SGCD: variants seen among roughly 807,000 people sequenced by gnomAD.
The protein encoded by SGCD is delta-sarcoglycan.
A neutral mutation model predicts 36.6 loss-of-function variants in SGCD; 18 were observed. The observed-to-expected ratio is 0.49, with a 90% CI of 0.34 to 0.73. The LOEUF (loss-of-function observed/expected upper bound fraction) is 0.73. Among genes scored for constraint, SGCD ranks in the 30% least tolerant of loss-of-function variants. SGCD has a pLI of 0.01. For synonymous variants in SGCD, 133 were observed against 130.6 expected (o/e 1.02, Z -0.12); for missense variants, 387 against 346.7 (o/e 1.12, Z -0.92).
intron 7 of SGCD, among the ~76,000 whole-genome samples, chr5:156,665,260 C>T (rs1187107982): frequency 3.3e-5 from 5 of 151,906 alleles, no homozygotes; most frequent in Admixed American, 2.6e-4. Flanking sequence ...CTCTGATGGC[C>T]CCATTAATTC....
At chr5:156,610,620 G>A (rs949809588) in intron 6 of SGCD, among the ~76,000 whole-genome samples, 16 of 152,220 alleles carry the variant, frequency 1.1e-4, no homozygotes, top group African/African-American at 3.9e-4. Context: ...CTTTTATTTG[G>A]CTATGCCCTG....
intron 1 of SGCD, among the ~76,000 whole-genome samples, chr5:155,894,685 T>G (rs1275907630): frequency 6.6e-6 from 1 of 152,134 alleles, no homozygotes; most frequent in Non-Finnish European, 1.5e-5. Context: ...GAACTGCATA[T>G]GTGAGGGATC....
Position 156,417,550 on chromosome 5 carries a change from C to A in SGCD, c.192+72873C>A, listed in dbSNP as rs567167045. ...CAGAAATTATTTTCTCATACTTCTG[C>A]AGTCTGGAAAGTCCCAAATCAAGGT... is the stretch of plus-strand genomic sequence containing the variant. On this transcript the variant is annotated intron_variant, in intron 3 of 8. Transcript: ENST00000337851. Among the ~76,000 whole-genome samples the A allele has an allele frequency of 2.4e-4, 37 of 152,210 alleles. No homozygotes were observed. In the South Asian group the frequency reaches 7.0e-3, roughly 29 times the overall value.
At chr5:156,199,046 T>A (rs1470734572) in intron 3 of SGCD, among the ~76,000 whole-genome samples, 2 of 152,012 alleles carry the variant, frequency 1.3e-5, no homozygotes, top group Non-Finnish European at 2.9e-5. Context: ...AGGTCATATA[T>A]GCAAAACTCT....
intron 1 of SGCD, among the ~76,000 whole-genome samples, chr5:155,960,933 C>T (rs77818345): frequency 0.016 from 2,376 of 152,200 alleles, 65 homozygotes; most frequent in African/African-American, 0.053. Context: ...TCCTACAGCT[C>T]ATTTTCCAGA....
the SGCD span, among the ~76,000 whole-genome samples, chr5:155,760,178 C>A: frequency 6.6e-6 from 1 of 150,970 alleles, no homozygotes; most frequent in South Asian, 2.1e-4. Context: ...TCACCAACAC[C>A]CTCTCCATCA....
intron 1 of SGCD, among the ~76,000 whole-genome samples, chr5:156,070,891 T>A (rs559131403): frequency 6.6e-6 from 1 of 152,336 alleles, no homozygotes; most frequent in Admixed American, 6.5e-5. Context: ...TTTATCCATT[T>A]CTTCTAGATT....
At chr5:155,911,382 A>G (rs922188580) in intron 1 of SGCD, among the ~76,000 whole-genome samples, 20 of 151,702 alleles carry the variant, frequency 1.3e-4, no homozygotes, top group Non-Finnish European at 2.8e-4. Context: ...AAATTACCAA[A>G]TCATAAGGAA....
intron 1 of SGCD, among the ~76,000 whole-genome samples, chr5:156,005,514 G>C (rs1208248912): frequency 1.3e-5 from 2 of 152,060 alleles, no homozygotes; most frequent in Non-Finnish European, 2.9e-5. Context: ...GCAGTGGCGT[G>C]ATCTTGGCTC....
intron 1 of SGCD, among the ~76,000 whole-genome samples, chr5:156,006,800 A>T (rs1402924947): frequency 6.6e-6 from 1 of 152,182 alleles, no homozygotes. Flanking sequence ...GGGTTCTCAA[A>T]TGTGAGCAGT....
intron 3 of SGCD, among the ~76,000 whole-genome samples, chr5:156,292,792 C>T (rs113137687): frequency 6.6e-6 from 1 of 152,036 alleles, no homozygotes; most frequent in Non-Finnish European, 1.5e-5. Flanking sequence ...TAGTAGACAT[C>T]CTAATGGGTT....
intron 6 of SGCD, among the ~76,000 whole-genome samples, chr5:156,622,544 T>C (rs1270091012): frequency 6.6e-6 from 1 of 151,376 alleles, no homozygotes; most frequent in African/African-American, 2.4e-5. Flanking sequence ...AGACAGATTT[T>C]TTTTTTGTAA....
intron 1 of SGCD, among the ~76,000 whole-genome samples, chr5:155,878,949 CAAAT>C (rs1426360787): frequency 1.3e-5 from 2 of 151,928 alleles, no homozygotes; most frequent in Non-Finnish European, 2.9e-5. Flanking sequence ...CGTCTGCTAA[CAAAT>C]AAAACTGAGT....
At chr5:155,964,823 C>T (rs944884679) in intron 1 of SGCD, among the ~76,000 whole-genome samples, 2 of 152,114 alleles carry the variant, frequency 1.3e-5, no homozygotes, top group Non-Finnish European at 2.9e-5. Context: ...GCTGATGGGC[C>T]TACAGCTAGG....
chr5:156,015,914 TA>T (rs1758966458), intron 1 of SGCD, among the ~76,000 whole-genome samples: 2 of 150,426 alleles, frequency 1.3e-5, no homozygotes, highest in Non-Finnish European at 3.0e-5. Context: ...TATATATATA[TA>T]TATCATCCAT....
At chr5:156,324,431 G>C (rs547795570), upstream of SGCD, among the ~76,000 whole-genome samples, 1 of 151,618 alleles carries the variant, frequency 6.6e-6, no homozygotes, top group South Asian at 2.1e-4. Context: ...AACAATTCCC[G>C]CATATGATAT....
At chr5:156,739,705 A>C (rs1396799806) in intron 7 of SGCD, 1 of 152,204 alleles carries the variant, frequency 6.6e-6, no homozygotes, top group Non-Finnish European at 1.5e-5. Context: ...CTACCCAATA[A>C]ATATAAAAGC....
intron 6 of SGCD, among the ~76,000 whole-genome samples, chr5:156,633,531 A>G (rs1051894027): frequency 1.3e-5 from 2 of 152,190 alleles, no homozygotes; most frequent in Admixed American, 1.3e-4. Context: ...GGTCCCCACA[A>G]TGATGCTCTG....
At chr5:155,845,503 C>G in the SGCD span, 1 of 152,246 alleles carries the variant, frequency 6.6e-6, no homozygotes, top group Non-Finnish European at 1.5e-5. Flanking sequence ...CAGGGTCGGG[C>G]CTGCTTAGTA....
Sources: allele counts gnomAD v4.1 joint callset (sites outside exome capture counted in the v4.1 genomes callset), GRCh38; gene constraint gnomAD v4.1.1; transcripts MANE v1.5; gene names NCBI Gene and HGNC (gene_info 2026-07-23, HGNC 2026-07-21).